Variants in SDSL observed in about 807,000 individuals in gnomAD.
SDSL encodes serine dehydratase like.
Under a neutral mutation model 27.6 loss-of-function variants are expected in SDSL, and 26 were observed. That is an observed-to-expected ratio of 0.94 (90% CI 0.69 to 1.31). The LOEUF (loss-of-function observed/expected upper bound fraction) is 1.31, where lower values mean the gene tolerates loss of function less well. SDSL is among the 50% of genes most tolerant of loss of function. SDSL has a pLI of 0.00. For synonymous variants in SDSL, 196 were observed against 180.6 expected, an observed-to-expected ratio of 1.09 and a Z score of -0.69; for missense variants, 431 against 423.5, an observed-to-expected ratio of 1.02 and a Z score of -0.16.
intron 4 of SDSL, among the ~76,000 whole-genome samples, chr12:113,433,645 G>C (rs994203690): frequency 3.3e-5 from 5 of 152,250 alleles, no homozygotes; most frequent in Non-Finnish European, 7.3e-5. Flanking sequence ...TGCTGTGGTT[G>C]CCTTGGGTCC....
At chr12:113,426,362 T>C (rs1380742137) in intron 1 of SDSL, 2 of 387,316 alleles carry the variant, frequency 5.2e-6, no homozygotes, top group Non-Finnish European at 5.3e-6. Context: ...ATTTGCATCC[T>C]GATTCAAACC....
intron 4 of SDSL, among the ~76,000 whole-genome samples, chr12:113,432,264 C>CTTTCT (rs1243407837): frequency 1.4e-4 from 19 of 133,228 alleles, no homozygotes; most frequent in Non-Finnish European, 2.9e-4. Flanking sequence ...TTCTTTCTTT[C>CTTTCT]TTTCTTTCTT....
Position 113,427,700 on chromosome 12 carries a change from C to A in SDSL, c.-21-262C>A, listed in dbSNP as rs115313392. Among the ~76,000 whole-genome samples, 916 of 152,304 alleles carry A rather than the reference C, an allele frequency of 6.0e-3. 9 individuals carry two copies. Among genetic ancestry groups the A allele is most frequent in the African/African-American group, 0.021 (861 of 41,572 alleles). On this transcript the variant is annotated intron_variant, in intron 1 of 7. Coordinates refer to ENST00000403593, the MANE Select transcript of SDSL (RefSeq NM_001304993.2). ...AATTCTCCCACTCTCTCATTCATTT[C>A]TCACCATATATTGGCCACTTTCTAC...
chr12:113,429,679 C>A (rs764207840), intron 4 of SDSL, among the ~76,000 whole-genome samples: 1 of 152,138 alleles, frequency 6.6e-6, no homozygotes, highest in Admixed American at 6.5e-5. Context: ...CTGAGACCAC[C>A]CCAATAGAAA....
intron 1 of SDSL, chr12:113,427,044 G>A (rs966105963): frequency 6.6e-6 from 1 of 152,232 alleles, no homozygotes; most frequent in African/African-American, 2.4e-5. Context: ...CACAGGAAGG[G>A]GGAGTGGGCA....
intron 4 of SDSL, 96 bp from the exon 5 acceptor site, chr12:113,434,038 A>G: frequency 2.0e-6 from 2 of 993,642 alleles, no homozygotes; most frequent in Non-Finnish European, 3.1e-6. Flanking sequence ...CCAGACTACT[A>G]GATCCTGGGG....
chr12:113,433,537 C>G (rs1298479844), intron 4 of SDSL, among the ~76,000 whole-genome samples: 2 of 152,062 alleles, frequency 1.3e-5, no homozygotes, highest in Non-Finnish European at 2.9e-5. Flanking sequence ...AGAAATGAGT[C>G]AGGGAAGGGA....
intron 2 of SDSL, 52 bp from the exon 3 acceptor site, chr12:113,428,368 C>T (rs4468391): frequency 1.3e-6 from 2 of 1,577,904 alleles, no homozygotes; most frequent in Non-Finnish European, 1.7e-6. Flanking sequence ...CCACATAGGC[C>T]TTCATGACAC....
In SDSL at chr12:113,436,785, G is replaced by A. The variant is rs117939250; in HGVS notation, c.706G>A (p.Ala236Thr). ...GAGCCTGGGTGCCAAGACGGTGGCC[G>A]CTCGGGCCCTGGAGTGCATGCAGGT... ...AKSLGAKTVAARALECMQVCK... is the reference protein window; with the variant it reads ...AKSLGAKTVATRALECMQVCK... The change falls in exon 7 of 8, where the codon GCT (alanine) becomes ACT (threonine). Residue 236 changes from alanine to threonine, a missense_variant. Ala to Thr is a moderately conservative substitution (Grantham distance 58, BLOSUM62 0). Coordinates refer to ENST00000403593, the MANE Select transcript of SDSL (RefSeq NM_001304993.2). 13,735 of 1,610,206 alleles carry A rather than the reference G, an allele frequency of 8.5e-3. 146 individuals are homozygous for A. Among genetic ancestry groups the A allele is most frequent in the Admixed American group, 0.025 (1,488 of 59,838 alleles).
rs1249443845 is a variant in SDSL, at chr12:113,428,469, C to T, written c.214+10C>T. 3 of 1,610,566 alleles carry T rather than the reference C, an allele frequency of 1.9e-6. No homozygotes were observed. Among genetic ancestry groups the T allele is most frequent in the African/African-American group, 1.3e-5 (1 of 74,792 alleles). On this transcript the variant is annotated intron_variant, in intron 3 of 7. Transcript: ENST00000403593. Reference sequence around the variant, plus strand: ...CTGGTGTGCTCCTCAGGTGACCCCACCTTTTTTTGTTTCATGGGCAGAGGT... The same window carrying T: ...CTGGTGTGCTCCTCAGGTGACCCCATCTTTTTTTGTTTCATGGGCAGAGGT...
chr12:113,424,583 G>A (rs777014639), intron 1 of SDSL, among the ~76,000 whole-genome samples: 25 of 152,286 alleles, frequency 1.6e-4, no homozygotes, highest in Non-Finnish European at 2.6e-4. Context: ...CCTGCATCTT[G>A]TAGGTGCCCT....
intron 1 of SDSL, among the ~76,000 whole-genome samples, chr12:113,424,010 T>A (rs1206924775): frequency 1.3e-5 from 2 of 152,174 alleles, no homozygotes; most frequent in African/African-American, 4.8e-5. Context: ...TTTTTAATTT[T>A]TTATTATTTT....
rs574235374 is a variant in SDSL at position 113,435,492 on chromosome 12, G to A, written c.607G>A (p.Gly203Arg). The A allele has an allele frequency of 7.4e-6, 12 of 1,614,156 alleles. No homozygotes were observed. The South Asian group carries it at 1.2e-4, about 16-fold the overall frequency. The change falls in exon 6 of 8, where the codon GGG becomes AGG. Residue 203 changes from glycine to arginine, a missense_variant. By Grantham distance (125) the Gly-to-Arg change is moderately radical. Coordinates refer to ENST00000403593, the MANE Select transcript of SDSL (RefSeq NM_001304993.2). ...HVPIIAMETH[G>R]AHCFNAAITA... ...ACCCATCATTGCCATGGAGACCCATGGGGCACACTGCTTCAATGCGGCCAT... is the reference window on the plus strand; with the variant it reads ...ACCCATCATTGCCATGGAGACCCATAGGGCACACTGCTTCAATGCGGCCAT...
intron 1 of SDSL, among the ~76,000 whole-genome samples, chr12:113,423,883 C>T (rs1957818635): frequency 6.6e-6 from 1 of 152,208 alleles, no homozygotes; most frequent in African/African-American, 2.4e-5. Context: ...TGGACAGACA[C>T]CCAACATGGG....
Position 113,436,855 on chromosome 12 carries a change from G to A in SDSL, c.776G>A (p.Ser259Asn), listed in dbSNP as rs140435000. The change falls in exon 7 of 8, where the codon AGC (serine) becomes AAC (asparagine). Residue 259 changes from serine to asparagine, a missense_variant. Physicochemically the swap from Ser to Asn is conservative, Grantham distance 46. Coordinates refer to ENST00000403593, the MANE Select transcript of SDSL (RefSeq NM_001304993.2). ...SEVVEDTEAV[S>N]AVQQLLDDER... ...GTGGTGGAGGACACCGAGGCTGTGA[G>A]CGCTGTGCAGCAGCTCCTGGGTGAG... The A allele has an allele frequency of 2.5e-4, 403 of 1,608,778 alleles. 1 individual carries two copies. In the African/African-American group the frequency reaches 3.8e-3, roughly 15 times the overall value.
At chr12:113,428,367 C>T in intron 2 of SDSL, 53 bp from the exon 3 acceptor site, 9 of 1,569,094 alleles carry the variant, frequency 5.7e-6, no homozygotes, top group African/African-American at 1.4e-5. Flanking sequence ...TCCACATAGG[C>T]CTTCATGACA....
At chr12:113,429,530 A>G (rs1240013213) in intron 4 of SDSL, among the ~76,000 whole-genome samples, 2 of 152,194 alleles carry the variant, frequency 1.3e-5, no homozygotes, top group Non-Finnish European at 2.9e-5. Flanking sequence ...GTGAACCAAG[A>G]CAAATGGGAA....
chr12:113,425,895 A>G (rs1002824024), intron 1 of SDSL: 9 of 376,310 alleles, frequency 2.4e-5, no homozygotes, highest in Admixed American at 1.6e-4. Context: ...AGGCTGAGGC[A>G]GGAGAATCGC....
At chr12:113,428,775 CT>C (rs1252145467) in intron 3 of SDSL, among the ~76,000 whole-genome samples, 1 of 152,134 alleles carries the variant, frequency 6.6e-6, no homozygotes, top group Non-Finnish European at 1.5e-5. Flanking sequence ...CTGGACTTTG[CT>C]TTCCTGCATA....
Sources: allele counts gnomAD v4.1 joint callset (sites outside exome capture counted in the v4.1 genomes callset), GRCh38; gene constraint gnomAD v4.1.1; transcripts MANE v1.5; gene names NCBI Gene and HGNC (gene_info 2026-07-23, HGNC 2026-07-21).